Variants in ADAMTS17 observed in about 807,000 individuals in gnomAD.
ADAMTS17 encodes A disintegrin and metalloproteinase with thrombospondin motifs 17.
In ADAMTS17, 113 loss-of-function variants were observed where a neutral mutation model predicts 141.5. The ratio of observed to expected loss-of-function variants is 0.80; its 90% confidence interval spans 0.69 to 0.93. The LOEUF (loss-of-function observed/expected upper bound fraction) is 0.93. Ranked by LOEUF, ADAMTS17 falls within the 40% of genes least tolerant of loss-of-function variation. ADAMTS17 has a pLI of 0.00. For synonymous variants in ADAMTS17, 768 were observed against 630.6 expected (o/e 1.22, Z -3.27); for missense variants, 1,659 against 1,517.9 (o/e 1.09, Z -1.54).
At chr15:100,017,934 C>G (rs754359319) in intron 18 of ADAMTS17, among the ~76,000 whole-genome samples, 8 of 152,170 alleles carry the variant, frequency 5.3e-5, no homozygotes, top group Non-Finnish European at 1.2e-4. Context: ...AATTTACCAT[C>G]AAATCCATTT....
chr15:100,005,054 C>G (rs542160108), intron 18 of ADAMTS17, among the ~76,000 whole-genome samples: 1 of 152,350 alleles, frequency 6.6e-6, no homozygotes, highest in East Asian at 1.9e-4. Context: ...CTACGCCTGG[C>G]TGAAACTGTA....
rs1384846338 is a variant in ADAMTS17, at chr15:100,341,250, G to T, written c.239C>A (p.Ala80Asp). The T allele has an allele frequency of 7.4e-7, 1 of 1,356,172 alleles. No individual in the cohort carries two copies. Among genetic ancestry groups the T allele is most frequent in the South Asian group, 1.7e-5 (1 of 59,106 alleles). 84.0% of individuals were successfully genotyped at this position (1,356,172 alleles called of 1,614,324 possible). The change falls in exon 2 of 22, where the codon GCC becomes GAC. Residue 80 changes from alanine (A) to aspartate (D), a missense_variant. Transcript: ENST00000268070. ...GAAGGCCGGCAGGTGCAGCAGCAGG[G>T]CGCGCTCTCCGGGCCGGGCGCGCGG... is the stretch of plus-strand genomic sequence containing the variant. ...AAPRARPGERALLLHLPAFGR... is the reference protein window; with the variant it reads ...AAPRARPGERDLLLHLPAFGR...
chr15:100,186,232 G>C (rs1334311993), intron 8 of ADAMTS17, among the ~76,000 whole-genome samples: 1 of 152,164 alleles, frequency 6.6e-6, no homozygotes, highest in Non-Finnish European at 1.5e-5. Context: ...CTGAGACTTA[G>C]CCGATGTTAA....
intron 7 of ADAMTS17, among the ~76,000 whole-genome samples, chr15:100,244,712 G>A (rs1338654788): frequency 2.0e-5 from 3 of 152,060 alleles, no homozygotes; most frequent in African/African-American, 7.2e-5. Flanking sequence ...CTGGCTCTCA[G>A]CCTGCGATTT....
chr15:100,045,953 TC>T (rs1164095084), intron 18 of ADAMTS17, among the ~76,000 whole-genome samples: 1 of 152,178 alleles, frequency 6.6e-6, no homozygotes, highest in Non-Finnish European at 1.5e-5. Context: ...TGATCTCAGC[TC>T]ACTGCAACCT....
intron 18 of ADAMTS17, among the ~76,000 whole-genome samples, chr15:99,998,586 A>G (rs1489979203): frequency 6.6e-6 from 1 of 152,208 alleles, no homozygotes; most frequent in East Asian, 1.9e-4. Flanking sequence ...CCTGGGTGAC[A>G]GAGTGAGACT....
intron 6 of ADAMTS17, among the ~76,000 whole-genome samples, chr15:100,257,978 G>A (rs1248330158): frequency 6.6e-6 from 1 of 152,120 alleles, no homozygotes; most frequent in Non-Finnish European, 1.5e-5. Context: ...ACTACTGTAG[G>A]TACCTCACAT....
At chr15:100,185,042 C>T (rs2040659654) in intron 8 of ADAMTS17, among the ~76,000 whole-genome samples, 1 of 152,200 alleles carries the variant, frequency 6.6e-6, no homozygotes, top group African/African-American at 2.4e-5. Flanking sequence ...CCTGAGGATG[C>T]CTAACATGGA....
chr15:100,330,578 G>C (rs546932908), intron 3 of ADAMTS17, among the ~76,000 whole-genome samples: 1 of 152,146 alleles, frequency 6.6e-6, no homozygotes, highest in Admixed American at 6.5e-5. Flanking sequence ...GGCACCAGGA[G>C]GAGGGAATTC....
chr15:100,149,185 C>T lies in ADAMTS17; in HGVS notation c.1473+3427G>A, dbSNP rs553612031. 1.3e-4 allele frequency among the ~76,000 whole-genome samples: 20 copies of T among 152,332 alleles called. No homozygotes were observed. The East Asian group carries it at 2.3e-3, about 18-fold the overall frequency. ...CTGTTGATACAGCAGGGCCTGGAGCCCTGAAGTGTGGCACTGTCTTCACCT... is the reference window on the plus strand; with the variant it reads ...CTGTTGATACAGCAGGGCCTGGAGCTCTGAAGTGTGGCACTGTCTTCACCT... On this transcript the variant is annotated intron_variant, in intron 10 of 21. Coordinates refer to ENST00000268070, the MANE Select transcript of ADAMTS17 (RefSeq NM_139057.4).
chr15:100,242,073 C>T (rs144282000), intron 7 of ADAMTS17, among the ~76,000 whole-genome samples: 214 of 152,286 alleles, frequency 1.4e-3, no homozygotes, highest in African/African-American at 5.0e-3. Flanking sequence ...TTCAAATTAA[C>T]GAACTCACAA....
intron 7 of ADAMTS17, among the ~76,000 whole-genome samples, chr15:100,242,303 C>T (rs1016940799): frequency 6.6e-6 from 1 of 152,164 alleles, no homozygotes; most frequent in Non-Finnish European, 1.5e-5. Context: ...AACTCTAAAG[C>T]GGTGATTTTA....
At chr15:99,990,508 G>A (rs1314765812) in intron 20 of ADAMTS17, among the ~76,000 whole-genome samples, 3 of 152,136 alleles carry the variant, frequency 2.0e-5, no homozygotes, top group African/African-American at 7.2e-5. Context: ...TTGGTCAGAT[G>A]TTTTGACCAG....
intron 11 of ADAMTS17, 145 bp downstream of exon 11, chr15:100,133,069 G>A (rs1368508671): frequency 1.5e-6 from 1 of 673,608 alleles, no homozygotes; most frequent in African/African-American, 1.8e-5. Flanking sequence ...TCTGTGCCCG[G>A]AGTGGCCTCC....
At chr15:100,219,013 G>A (rs1186030086) in intron 7 of ADAMTS17, among the ~76,000 whole-genome samples, 2 of 152,176 alleles carry the variant, frequency 1.3e-5, no homozygotes, top group Admixed American at 1.3e-4. Context: ...ACACATGCTA[G>A]AACAAGTATG....
At chr15:100,172,426 A>G (rs1380868052) in intron 8 of ADAMTS17, among the ~76,000 whole-genome samples, 1 of 152,168 alleles carries the variant, frequency 6.6e-6, no homozygotes, top group Non-Finnish European at 1.5e-5. Context: ...GTTTCAGTAA[A>G]CAAAATTTTC....
At chr15:100,175,573 A>G (rs1010278785) in intron 8 of ADAMTS17, among the ~76,000 whole-genome samples, 12 of 152,172 alleles carry the variant, frequency 7.9e-5, no homozygotes, top group Non-Finnish European at 7.4e-5. Flanking sequence ...GAAGGAATGC[A>G]CCCCAGGGCG....
rs147316982 is a variant in ADAMTS17, at chr15:100,048,930, C to T, written c.2518G>A (p.Asp840Asn). 810 of 1,614,134 alleles carry T rather than the reference C, an allele frequency of 5.0e-4. 4 individuals carry two copies. In the East Asian group the frequency reaches 0.016, roughly 33 times the overall value. ...CGGCTTGCTTGAGGGCAGTCACTGT[C>T]GTTCACCAGAGTTGTGGTCTTGTTG... ...IVNKTTTLVN[D>N]SDCPQASRPE... The change falls in exon 18 of 22, where the codon GAC becomes AAC. Residue 840 changes from aspartate (D) to asparagine (N), a missense_variant. Physicochemically the swap from Asp to Asn is conservative, Grantham distance 23. Coordinates refer to ENST00000268070, the MANE Select transcript of ADAMTS17 (RefSeq NM_139057.4).
intron 18 of ADAMTS17, among the ~76,000 whole-genome samples, chr15:100,010,021 T>TC (rs1035443299): frequency 1.3e-5 from 2 of 152,196 alleles, no homozygotes; most frequent in African/African-American, 2.4e-5. Context: ...GTGGTTTTTT[T>TC]CCCGTGCTGT....
Sources: gnomAD v4.1 joint callset for allele counts (sites outside exome capture counted in the v4.1 genomes callset) on GRCh38, gnomAD v4.1.1 for gene constraint, MANE v1.5 for transcripts, NCBI Gene and HGNC (gene_info 2026-07-23, HGNC 2026-07-21) for gene names.